C6: variants seen among roughly 807,000 people sequenced by gnomAD.
C6 encodes complement component C6.
A neutral mutation model predicts 112.9 loss-of-function variants in C6; 101 were observed. The ratio of observed to expected loss-of-function variants is 0.89; its 90% CI spans 0.76 to 1.06. The LOEUF is 1.06. C6 is among the 50% of genes least tolerant of loss of function. The probability of loss-of-function intolerance (pLI) is 0.00; values close to 1 mark genes in which losing one functional copy is unlikely to be tolerated. For synonymous variants in C6, 431 were observed against 384.1 expected (o/e 1.12, Z -1.43); for missense variants, 1,202 against 1,104.6 (o/e 1.09, Z -1.25).
Position 41,213,405 on chromosome 5 carries a change from C to T in C6, c.-50G>A, listed in dbSNP as rs1752064287. 20 of 985,100 alleles carry T rather than the reference C, an allele frequency of 2.0e-5. No homozygotes were observed. The South Asian group carries it at 8.9e-4, about 44-fold the overall frequency. 61.0% of individuals were successfully genotyped at this position (985,100 alleles called of 1,614,324 possible). A position where few individuals can be genotyped will look rare whatever the true frequency, so the allele number is the denominator to read the frequency against. On this transcript the variant is annotated 5_prime_UTR_variant, in exon 1 of 18. Transcript: ENST00000337836. ...AAGCAGAGTTTGTGGTGTCCTCGGA[C>T]CTAAGCTGCAAATTATTGGGGAAAA...
At chr5:41,240,966 T>C (rs1740670964) in intron 1 of C6, among the ~76,000 whole-genome samples, 1 of 152,148 alleles carries the variant, frequency 6.6e-6, no homozygotes, top group Non-Finnish European at 1.5e-5. Context: ...CCCCTGATGC[T>C]ATGTGTGTGC....
At chr5:41,149,541 CGTAGCCAAT>C in intron 16 of C6, 59 bp from the exon 17 acceptor site, 1 of 1,605,038 alleles carries the variant, frequency 6.2e-7, no homozygotes. Flanking sequence ...ACAGGGGGCA[CGTAGCCAAT>C]GTAGTGTGTT....
intron 1 of C6, among the ~76,000 whole-genome samples, chr5:41,253,439 G>A (rs1445221962): frequency 6.6e-6 from 1 of 152,064 alleles, no homozygotes; most frequent in Non-Finnish European, 1.5e-5. Flanking sequence ...ACTCTAGTTG[G>A]CTGTACATCC....
intron 8 of C6, among the ~76,000 whole-genome samples, chr5:41,175,343 A>G (rs1748749415): frequency 6.6e-6 from 1 of 152,108 alleles, no homozygotes; most frequent in Non-Finnish European, 1.5e-5. Flanking sequence ...CAATACATGC[A>G]TACAGTGTAT....
At chr5:41,163,188 G>T (rs1023918540) in intron 9 of C6, among the ~76,000 whole-genome samples, 3 of 150,872 alleles carry the variant, frequency 2.0e-5, no homozygotes, top group Non-Finnish European at 4.4e-5. Context: ...GTAAAAGACA[G>T]AATGAATATT....
chr5:41,254,405 C>CA (rs980032673), intron 1 of C6, among the ~76,000 whole-genome samples: 1 of 151,716 alleles, frequency 6.6e-6, no homozygotes, highest in Admixed American at 6.6e-5. Flanking sequence ...GACTCCATCT[C>CA]AAAAAAAGAA....
chr5:41,178,259 T>C (rs1207594719), intron 7 of C6, among the ~76,000 whole-genome samples: 2 of 152,142 alleles, frequency 1.3e-5, no homozygotes, highest in African/African-American at 2.4e-5. Flanking sequence ...AAGAAAATAC[T>C]GAACCTGACT....
At chr5:41,250,416 T>A (rs1317872779) in intron 1 of C6, among the ~76,000 whole-genome samples, 1 of 152,164 alleles carries the variant, frequency 6.6e-6, no homozygotes, top group East Asian at 1.9e-4. Context: ...TCCACAAATG[T>A]CCTTTAAACT....
intron 1 of C6, among the ~76,000 whole-genome samples, chr5:41,234,417 T>C (rs974006555): frequency 4.0e-5 from 6 of 151,540 alleles, no homozygotes; most frequent in Non-Finnish European, 8.8e-5. Context: ...GGAAATCATT[T>C]TGCCAGATAA....
In C6 at chr5:41,159,139, C is replaced by T. The variant is rs759873837; in HGVS notation, c.1799G>A (p.Arg600His). The change falls in exon 12 of 18, where the codon CGC becomes CAC. Residue 600 changes from arginine (R) to histidine (H), a missense_variant. Arg to His is a conservative substitution (Grantham distance 29). Transcript: ENST00000337836. The stretch of plus-strand genomic sequence containing the variant: ...CTCTTGTCGCTTCTCCCCCTCACAG[C>T]GTTTCCCTCCTCGTTGGGGGGCAGG... The part of the protein sequence containing the change: ...NNPAPQRGGK[R>H]CEGEKRQEED... 13 of 1,613,586 alleles carry T rather than the reference C, an allele frequency of 8.1e-6. No individual in the cohort carries two copies. The highest frequency in any genetic ancestry group is 3.3e-5 in the Admixed American group (2 of 59,946).
intron 17 of C6, 111 bp from the exon 18 acceptor site, chr5:41,143,117 G>A: frequency 1.1e-5 from 10 of 913,574 alleles, no homozygotes; most frequent in South Asian, 5.8e-5. Flanking sequence ...AATTAAGTTT[G>A]GTCTAAAGCT....
intron 1 of C6, among the ~76,000 whole-genome samples, chr5:41,258,836 G>A (rs1741873448): frequency 6.6e-6 from 1 of 152,136 alleles, no homozygotes; most frequent in African/African-American, 2.4e-5. Flanking sequence ...CAGGGGAAAT[G>A]CCAGACACTT....
intron 5 of C6, among the ~76,000 whole-genome samples, chr5:41,194,117 C>T (rs1381498756): frequency 6.6e-6 from 1 of 152,102 alleles, no homozygotes; most frequent in East Asian, 1.9e-4. Context: ...CACCCTTCAT[C>T]AATCAGAACA....
At chr5:41,220,405 T>G (rs1739091350) in intron 1 of C6, among the ~76,000 whole-genome samples, 1 of 152,198 alleles carries the variant, frequency 6.6e-6, no homozygotes, top group Non-Finnish European at 1.5e-5. Context: ...GGAACTTGTT[T>G]TACCTTGTTC....
At chr5:41,256,127 T>C (rs1334410343) in intron 1 of C6, among the ~76,000 whole-genome samples, 27 of 152,186 alleles carry the variant, frequency 1.8e-4, no homozygotes, top group Non-Finnish European at 4.4e-5. Flanking sequence ...CTCATCATTT[T>C]TTATGGCTGC....
At chr5:41,211,219 A>G (rs1751896312) in intron 1 of C6, among the ~76,000 whole-genome samples, 1 of 152,036 alleles carries the variant, frequency 6.6e-6, no homozygotes, top group South Asian at 2.1e-4. Flanking sequence ...GGTGAACATC[A>G]TACACCGGGG....
chr5:41,199,884 C>T lies in C6; in HGVS notation c.329G>A (p.Ser110Asn). 6.2e-7 allele frequency: 1 copy of T among 1,613,664 alleles called. No homozygotes were observed. The change falls in exon 4 of 18, where the codon AGT (serine) becomes AAT (asparagine). Residue 110 changes from serine to asparagine, a missense_variant. By Grantham distance (46) the Ser-to-Asn change is conservative (BLOSUM62 1). Coordinates refer to ENST00000337836, the MANE Select transcript of C6 (RefSeq NM_000065.5). ...QSKVRSVLRP[S>N]QFGGQPCTAP... The stretch of plus-strand genomic sequence containing the variant: ...AGTGCATGGCTGTCCCCCAAACTGA[C>T]TGGGACGCAAGACAGATCTAACTTT...
At chr5:41,143,547 A>G (rs1190721771) in intron 17 of C6, among the ~76,000 whole-genome samples, 1 of 152,240 alleles carries the variant, frequency 6.6e-6, no homozygotes, top group Admixed American at 6.5e-5. Flanking sequence ...TATGCCAAGC[A>G]CTTTACATGC....
Position 41,192,463 on chromosome 5 carries a change from T to A in C6, c.587+3329A>T, listed in dbSNP as rs193010517. Among the ~76,000 whole-genome samples, 624 of 152,324 alleles carry A rather than the reference T, an allele frequency of 4.1e-3. 2 individuals carry two copies. The highest frequency in any genetic ancestry group is 0.013 in the African/African-American group (551 of 41,586). Reference sequence around the variant, plus strand: ...TAGCTTGATAATAATTGGTATTAGTTCTTACAAAGTTTGGTAGAATTCAGC... The same window carrying A: ...TAGCTTGATAATAATTGGTATTAGTACTTACAAAGTTTGGTAGAATTCAGC... On this transcript the variant is annotated intron_variant, in intron 5 of 17. Transcript: ENST00000337836.
Sources: allele counts gnomAD v4.1 joint callset (sites outside exome capture counted in the v4.1 genomes callset), GRCh38; gene constraint gnomAD v4.1.1; transcripts MANE v1.5; gene names NCBI Gene and HGNC (gene_info 2026-07-23, HGNC 2026-07-21).